The following ABLIM1 variants were observed in gnomAD, a reference collection of about 807,000 sequenced individuals.
The protein encoded by ABLIM1 is actin binding LIM protein 1, also known as actin-binding LIM protein 1.
Under a neutral mutation model 107.0 loss-of-function variants are expected in ABLIM1, and 40 were observed. The ratio of observed to expected loss-of-function variants is 0.37; its 90% CI spans 0.29 to 0.49. The LOEUF is 0.49. ABLIM1 is among the 20% of genes least tolerant of loss of function. ABLIM1 has a pLI of 0.97. For synonymous variants in ABLIM1, 357 were observed against 357.3 expected (o/e 1.00, Z 0.01); for missense variants, 857 against 1,008.5 (o/e 0.85, Z 2.04).
chr10:114,485,461 AAAC>A lies in ABLIM1; in HGVS notation c.1041+2494_1041+2496del, dbSNP rs1304658887. 2.3e-6 allele frequency: 3 copies of A among 1,290,440 alleles called. No individual in the cohort carries two copies. In the African/African-American group the frequency reaches 4.5e-5, roughly 19 times the overall value. The allele number at this position is 1,290,440 out of a possible 1,614,324, so 79.9% of individuals were successfully genotyped here. A position where few individuals can be genotyped will look rare whatever the true frequency, so the allele number is the denominator to read the frequency against. On this transcript the variant is annotated intron_variant, in intron 8 of 22. Transcript: ENST00000533213. ...AAGAATTATTTTAAAAAATAAAACAAAACAACAACCACCTTAGGTAAAACTAAC... is the reference window on the plus strand; with the variant it reads ...AAGAATTATTTTAAAAAATAAAACAAAACAACCACCTTAGGTAAAACTAAC...
chr10:114,668,710 C>T (rs1234375966), intron 1 of ABLIM1, among the ~76,000 whole-genome samples: 1 of 151,978 alleles, frequency 6.6e-6, no homozygotes, highest in Non-Finnish European at 1.5e-5. Context: ...AAAAGTAGAG[C>T]CATTTAGATA....
intron 6 of ABLIM1, among the ~76,000 whole-genome samples, chr10:114,500,443 T>C (rs891960853): frequency 3.3e-5 from 5 of 151,998 alleles, no homozygotes; most frequent in Non-Finnish European, 2.9e-5. Flanking sequence ...GGTTTGTGCC[T>C]GTAACCCCAG....
chr10:114,548,104 G>A (rs1432113707), intron 4 of ABLIM1, among the ~76,000 whole-genome samples: 1 of 152,122 alleles, frequency 6.6e-6, no homozygotes, highest in Admixed American at 6.5e-5. Context: ...TAGTGTCTTG[G>A]CTGTGATTTT....
intron 1 of ABLIM1, among the ~76,000 whole-genome samples, chr10:114,741,384 C>T (rs910880012): frequency 4.6e-5 from 7 of 151,642 alleles, no homozygotes; most frequent in African/African-American, 1.5e-4. Flanking sequence ...TGCCACCAGG[C>T]CTGGCTAATT....
At chr10:114,517,356 C>T (rs1020733203) in intron 6 of ABLIM1, among the ~76,000 whole-genome samples, 24 of 152,064 alleles carry the variant, frequency 1.6e-4, no homozygotes, top group South Asian at 2.1e-4. Context: ...GAGACTGGAG[C>T]GATGCAGCTC....
Position 114,646,760 on chromosome 10 carries a change from G to C in ABLIM1, c.244+11197C>G, listed in dbSNP as rs79801561. On this transcript the variant is annotated intron_variant, in intron 1 of 22. Transcript: ENST00000533213. ...CTGCCACATATAGAAAAATGAACTG[G>C]ATCACTCTTGGTATGTAGATATAGA... Among the ~76,000 whole-genome samples the C allele has an allele frequency of 4.1e-3, 626 of 152,204 alleles. 5 individuals carry two copies. The highest frequency in any genetic ancestry group is 0.014 in the African/African-American group (597 of 41,518).
intron 6 of ABLIM1, among the ~76,000 whole-genome samples, chr10:114,532,632 C>T (rs1271432779): frequency 3.9e-5 from 6 of 152,272 alleles, no homozygotes; most frequent in Non-Finnish European, 5.9e-5. Context: ...ATACTGTGCC[C>T]GGAAGAGAAA....
chr10:114,547,544 AAT>A (rs2067512749), intron 5 of ABLIM1, 104 bp downstream of exon 5: 2 of 1,443,590 alleles, frequency 1.4e-6, no homozygotes, highest in South Asian at 2.7e-5. Flanking sequence ...GGATGTGAAC[AAT>A]TTCAGCACCA....
chr10:114,482,362 T>C (rs2057498064), intron 8 of ABLIM1, among the ~76,000 whole-genome samples: 1 of 152,224 alleles, frequency 6.6e-6, no homozygotes, highest in Non-Finnish European at 1.5e-5. Flanking sequence ...GATTTTACTT[T>C]CCTCTACAAC....
intron 6 of ABLIM1, among the ~76,000 whole-genome samples, chr10:114,513,277 G>A (rs1036565589): frequency 5.9e-5 from 9 of 152,146 alleles, no homozygotes; most frequent in Non-Finnish European, 1.3e-4. Context: ...AAGCATATCA[G>A]TTCTTCATTC....
intron 12 of ABLIM1, among the ~76,000 whole-genome samples, chr10:114,459,852 C>T (rs958856522): frequency 6.6e-6 from 1 of 152,120 alleles, no homozygotes; most frequent in African/African-American, 2.4e-5. Context: ...ATCCAGAACA[C>T]CTGACGGTGT....
chr10:114,784,354 AAAG>A, the ABLIM1 span, among the ~76,000 whole-genome samples: 1 of 82,690 alleles, frequency 1.2e-5, no homozygotes, highest in African/African-American at 3.8e-5. Flanking sequence ...TCAAAAAAAG[AAAG>A]AAAGAAAGAA....
chr10:114,485,171 T>C (rs2058003155), intron 8 of ABLIM1: 4 of 607,684 alleles, frequency 6.6e-6, no homozygotes, highest in Non-Finnish European at 1.1e-5. Context: ...GCTTGTGGTG[T>C]GAGAAAAGCA....
At chr10:114,721,019 A>T (rs2081833058) in intron 1 of ABLIM1, among the ~76,000 whole-genome samples, 1 of 152,216 alleles carries the variant, frequency 6.6e-6, no homozygotes, top group Non-Finnish European at 1.5e-5. Context: ...CACACCTGGT[A>T]AATCTGGCTA....
At chr10:114,708,228 A>C (rs766516331) in intron 1 of ABLIM1, among the ~76,000 whole-genome samples, 68 of 152,334 alleles carry the variant, frequency 4.5e-4, no homozygotes, top group Non-Finnish European at 6.8e-4. Context: ...CTGAAACAAA[A>C]CGACCTCAAC....
chr10:114,692,814 C>T (rs1198899671), intron 1 of ABLIM1, among the ~76,000 whole-genome samples: 3 of 152,142 alleles, frequency 2.0e-5, no homozygotes, highest in Non-Finnish European at 2.9e-5. Flanking sequence ...TGCTTGAACC[C>T]GGGAGACAGA....
At position 114,494,551 on chromosome 10, in the gene ABLIM1, AAAC is replaced by A. The variant is rs573252074; in HGVS notation, c.895-2676_895-2674del. 3.0e-3 allele frequency among the ~76,000 whole-genome samples: 454 copies of A among 152,028 alleles called. 2 individuals are homozygous for A. The highest frequency in any genetic ancestry group is 6.8e-3 in the Middle Eastern group (2 of 294). ...GTCCATCTCAAAAGCAAACCAAACC[AAAC>A]AACAACAACAACAACAACAAAACCA... On this transcript the variant is annotated intron_variant, in intron 6 of 22. Transcript: ENST00000533213.
intron 1 of ABLIM1, among the ~76,000 whole-genome samples, chr10:114,697,924 A>G (rs1279811235): frequency 6.6e-6 from 1 of 152,202 alleles, no homozygotes; most frequent in Non-Finnish European, 1.5e-5. Context: ...TATACTGAAG[A>G]TTACATTTTA....
rs542828529 is a variant in ABLIM1 at position 114,613,719 on chromosome 10, C to T, written c.245-11758G>A. The T allele has an allele frequency of 1.3e-4, 172 of 1,317,454 alleles. No individual in the cohort carries two copies. The South Asian group carries it at 2.0e-3, about 15-fold the overall frequency. 81.6% of individuals were successfully genotyped at this position (1,317,454 alleles called of 1,614,324 possible). A position where few individuals can be genotyped will look rare whatever the true frequency, so the allele number is the denominator to read the frequency against. ...GAAAGCATGAGACCTGTGTTCACAG[C>T]ATCCAACTTGCAATGTCAAACATTC... is the stretch of plus-strand genomic sequence containing the variant. On this transcript the variant is annotated intron_variant, in intron 1 of 22. Coordinates refer to ENST00000533213, the MANE Select transcript of ABLIM1 (RefSeq NM_002313.7).
Sources: allele counts gnomAD v4.1 joint callset (sites outside exome capture counted in the v4.1 genomes callset), GRCh38; gene constraint gnomAD v4.1.1; transcripts MANE v1.5; gene names NCBI Gene and HGNC (gene_info 2026-07-23, HGNC 2026-07-21).